Variants in AEBP2 observed in about 807,000 individuals in gnomAD.
AEBP2 encodes the protein AE binding protein 2.
AEBP2 carries 10 observed loss-of-function variants against 50.8 expected under a neutral mutation model. The ratio of observed to expected loss-of-function variants is 0.20; its 90% CI spans 0.12 to 0.33. AEBP2 has a LOEUF of 0.33. Ranked by LOEUF, AEBP2 falls within the 10% of genes least tolerant of loss-of-function variation. The pLI is 1.00. For missense variants in AEBP2, 570 were observed against 688.0 expected (o/e 0.83, Z 1.92); for synonymous variants, 296 against 261.3 (o/e 1.13, Z -1.28).
intron 3 of AEBP2, among the ~76,000 whole-genome samples, chr12:19,478,396 A>C (rs375651908): frequency 1.4e-4 from 21 of 152,086 alleles, no homozygotes; most frequent in East Asian, 9.6e-4. Context: ...CCTGGGTTCA[A>C]GTGAGTCTCC....
At chr12:19,494,498 C>CTTTT (rs747750453) in intron 4 of AEBP2, among the ~76,000 whole-genome samples, 9 of 115,854 alleles carry the variant, frequency 7.8e-5, no homozygotes, top group Non-Finnish European at 8.7e-5. Context: ...AGCAGTGTTG[C>CTTTT]TTTTTTTTTT....
intron 1 of AEBP2, chr12:19,456,692 A>G: frequency 6.3e-7 from 1 of 1,577,142 alleles, no homozygotes; most frequent in Non-Finnish European, 8.7e-7. Context: ...TGACAGACAC[A>G]TTCTTGACAT....
At chr12:19,511,799 T>C (rs1949235823) in intron 5 of AEBP2, among the ~76,000 whole-genome samples, 1 of 145,426 alleles carries the variant, frequency 6.9e-6, no homozygotes, top group Admixed American at 6.9e-5. Context: ...TGAATCTAGG[T>C]TTTTTTTTTT....
At chr12:19,434,331 G>C (rs997167833) in intron 1 of AEBP2, among the ~76,000 whole-genome samples, 2 of 151,896 alleles carry the variant, frequency 1.3e-5, no homozygotes, top group African/African-American at 4.8e-5. Flanking sequence ...GTGCCACCAT[G>C]CCTGGCTAAT....
At chr12:19,495,162 C>G (rs1252301080) in intron 4 of AEBP2, among the ~76,000 whole-genome samples, 1 of 152,162 alleles carries the variant, frequency 6.6e-6, no homozygotes, top group Admixed American at 6.5e-5. Context: ...CTTGGCCTCC[C>G]AAAGTGCTGG....
At chr12:19,465,360 C>T (rs1013854131) in intron 2 of AEBP2, among the ~76,000 whole-genome samples, 2 of 151,926 alleles carry the variant, frequency 1.3e-5, no homozygotes, top group Non-Finnish European at 2.9e-5. Flanking sequence ...CGCCACTGCA[C>T]TCCAGCCTGG....
chr12:19,456,972 G>C, intron 1 of AEBP2: 1 of 1,562,234 alleles, frequency 6.4e-7, no homozygotes, highest in Non-Finnish European at 8.8e-7. Context: ...CACTGGTATT[G>C]CCATCCTTAC....
At chr12:19,474,949 C>G (rs933090102) in intron 3 of AEBP2, among the ~76,000 whole-genome samples, 2 of 152,104 alleles carry the variant, frequency 1.3e-5, no homozygotes, top group Non-Finnish European at 2.9e-5. Flanking sequence ...TGCGCCATCA[C>G]GCCTGGCGAA....
intron 3 of AEBP2, among the ~76,000 whole-genome samples, chr12:19,473,716 T>C (rs1397243708): frequency 6.6e-6 from 1 of 152,220 alleles, no homozygotes; most frequent in Non-Finnish European, 1.5e-5. Context: ...GTTTTTTCTT[T>C]TAAATGTTAG....
chr12:19,413,326 T>G, intron 1 of AEBP2: 1 of 1,209,512 alleles, frequency 8.3e-7, no homozygotes, highest in Non-Finnish European at 1.2e-6. Context: ...TGGCAAGATA[T>G]GGACAACTGA....
chr12:19,475,227 C>A (rs1405993443), intron 3 of AEBP2, among the ~76,000 whole-genome samples: 1 of 151,408 alleles, frequency 6.6e-6, no homozygotes, highest in Non-Finnish European at 1.5e-5. Flanking sequence ...TACCTAACCA[C>A]CCCCACCCTT....
At position 19,424,227 on chromosome 12, in the gene AEBP2, G is replaced by A. The variant is rs544587734; in HGVS notation, c.-17+20011G>A. Among the ~76,000 whole-genome samples the A allele has an allele frequency of 3.3e-3, 496 of 152,276 alleles. 4 individuals are homozygous for A. Among genetic ancestry groups the A allele is most frequent in the Middle Eastern group, 6.8e-3 (2 of 294 alleles). On this transcript the variant is annotated intron_variant, in intron 1 of 3. Transcript: ENST00000538425. The stretch of plus-strand genomic sequence containing the variant: ...GAGAAGAGTGGCAAGGAAGGAAAAG[G>A]AGAGGGGAAAACGTGGCAAAGCATG...
At position 19,439,526 on chromosome 12, in the gene AEBP2, T is replaced by TCC; in HGVS notation, c.-171_-170dup. 1.2e-6 allele frequency: 1 copy of TCC among 830,194 alleles called. No individual in the cohort carries two copies. The highest frequency in any genetic ancestry group is 1.8e-6 in the Non-Finnish European group (1 of 568,934). The allele number at this position is 830,194 out of a possible 1,614,324, so 51.4% of individuals were successfully genotyped here. A position where few individuals can be genotyped will look rare whatever the true frequency, so the allele number is the denominator to read the frequency against. On this transcript the variant is annotated 5_prime_UTR_variant, in exon 1 of 8. Coordinates refer to ENST00000266508, the MANE Select transcript of AEBP2 (RefSeq NM_153207.5). ...GTGAGTGCGCGTAGTCGCGCGCCTG[T>TCC]CCCCGCGCGGGCTCCGTAGCGCGTG...
intron 1 of AEBP2, among the ~76,000 whole-genome samples, chr12:19,443,813 T>C (rs557970731): frequency 1.1e-4 from 17 of 152,322 alleles, no homozygotes; most frequent in Admixed American, 5.9e-4. Context: ...TGGTAAAAAG[T>C]GACTAATTTA....
intron 1 of AEBP2, among the ~76,000 whole-genome samples, chr12:19,411,533 G>A (rs576165210): frequency 4.6e-5 from 7 of 150,614 alleles, no homozygotes; most frequent in Non-Finnish European, 7.4e-5. Context: ...CTCTAAAAGG[G>A]GATTTTACAA....
At chr12:19,459,659 C>T (rs1948337536) in intron 1 of AEBP2, among the ~76,000 whole-genome samples, 1 of 152,174 alleles carries the variant, frequency 6.6e-6, no homozygotes, top group Non-Finnish European at 1.5e-5. Flanking sequence ...AGCTGATTCA[C>T]ATTTGAGAGT....
chr12:19,460,314 T>C (rs2153369818), intron 1 of AEBP2, among the ~76,000 whole-genome samples: 1 of 152,102 alleles, frequency 6.6e-6, no homozygotes, highest in East Asian at 1.9e-4. Context: ...CAGGTGTGAG[T>C]GAATAGGTTG....
At chr12:19,405,617 C>A (rs1346730368) in intron 1 of AEBP2, among the ~76,000 whole-genome samples, 1 of 152,128 alleles carries the variant, frequency 6.6e-6, no homozygotes, top group African/African-American at 2.4e-5. Flanking sequence ...ATCCACTGCG[C>A]CCGGCTGGAT....
intron 1 of AEBP2, among the ~76,000 whole-genome samples, chr12:19,422,260 A>G (rs556870477): frequency 1.3e-5 from 2 of 152,252 alleles, no homozygotes; most frequent in African/African-American, 4.8e-5. Context: ...TAAAATACCT[A>G]CTTATAAACA....
Sources: gnomAD v4.1 joint callset for allele counts (sites outside exome capture counted in the v4.1 genomes callset) on GRCh38, gnomAD v4.1.1 for gene constraint, MANE v1.5 for transcripts, NCBI Gene and HGNC (gene_info 2026-07-23, HGNC 2026-07-21) for gene names.